METTL8: variants seen among roughly 807,000 people sequenced by gnomAD.
METTL8 encodes the protein tRNA N(3)-cytidine methyltransferase METTL8, mitochondrial.
In METTL8, 32 loss-of-function variants were observed where a neutral mutation model predicts 48.7. The ratio of observed to expected loss-of-function variants is 0.66; its 90% CI spans 0.50 to 0.88. The LOEUF is 0.88. Among genes scored for constraint, METTL8 ranks in the 40% least tolerant of loss-of-function variants. The pLI, the probability that METTL8 is intolerant of heterozygous loss-of-function variation, is 0.00. For synonymous variants in METTL8, 136 were observed against 157.1 expected, an observed-to-expected ratio of 0.87 and a Z score of 1.01; for missense variants, 464 against 474.4, an observed-to-expected ratio of 0.98 and a Z score of 0.20.
chr2:171,424,346 C>T (rs1031759961), intron 1 of METTL8, among the ~76,000 whole-genome samples: 1 of 152,184 alleles, frequency 6.6e-6, no homozygotes, highest in African/African-American at 2.4e-5. Flanking sequence ...GGGCCCCCAT[C>T]CTCCAGACTC....
chr2:171,410,822 T>G (rs868439234), intron 1 of METTL8, among the ~76,000 whole-genome samples: 1 of 152,230 alleles, frequency 6.6e-6, no homozygotes, highest in Non-Finnish European at 1.5e-5. Flanking sequence ...TGGTATGTTA[T>G]TTCCTTGAAC....
At chr2:171,395,584 TATAGAG>T (rs1294315190) in intron 1 of METTL8, among the ~76,000 whole-genome samples, 3 of 152,140 alleles carry the variant, frequency 2.0e-5, no homozygotes, top group African/African-American at 7.2e-5. Context: ...AAAAGACTAT[TATAGAG>T]ATAAAGAGGG....
chr2:171,390,179 T>G (rs1240625795), intron 2 of METTL8, among the ~76,000 whole-genome samples: 1 of 152,142 alleles, frequency 6.6e-6, no homozygotes, highest in Non-Finnish European at 1.5e-5. Context: ...TATAGCATGG[T>G]TTACTGAATG....
intron 1 of METTL8, among the ~76,000 whole-genome samples, chr2:171,418,069 G>A (rs990961630): frequency 1.3e-5 from 2 of 151,916 alleles, no homozygotes; most frequent in Admixed American, 6.5e-5. Flanking sequence ...TTAGCCTCCC[G>A]AGTAGCTGGG....
intron 3 of METTL8, among the ~76,000 whole-genome samples, chr2:171,348,680 TA>T (rs968392018): frequency 4.6e-5 from 7 of 152,204 alleles, no homozygotes; most frequent in African/African-American, 1.4e-4. Context: ...GCTTCTGGAT[TA>T]ATAGTAATAT....
chr2:171,318,227 C>A lies in METTL8; in HGVS notation c.*5945G>T, dbSNP rs538017599. The A allele has an allele frequency of 6.6e-6, 1 of 152,284 alleles. No homozygotes were observed. Among genetic ancestry groups the A allele is most frequent in the Admixed American group, 6.5e-5 (1 of 15,300 alleles). The allele number at this position is 152,284 out of a possible 1,614,324, so 9.4% of individuals were successfully genotyped here. On this transcript the variant is annotated 3_prime_UTR_variant, in exon 10 of 10. Transcript: ENST00000375258. ...CTACACCAAAGCCATCTTGCGGGTA[C>A]CTTTGCGCCTCTCAAATCCCCAACC...
At chr2:171,384,844 T>G in intron 2 of METTL8, among the ~76,000 whole-genome samples, 1 of 152,036 alleles carries the variant, frequency 6.6e-6, no homozygotes, top group South Asian at 2.1e-4. Context: ...AATTAATTAA[T>G]TAATAAAGTA....
At chr2:171,408,134 CA>C (rs1433504763) in intron 1 of METTL8, among the ~76,000 whole-genome samples, 1 of 152,048 alleles carries the variant, frequency 6.6e-6, no homozygotes, top group African/African-American at 2.4e-5. Context: ...GCTCTATGTA[CA>C]AGGAGCTTAT....
At chr2:171,397,167 C>T (rs1164044542) in intron 1 of METTL8, among the ~76,000 whole-genome samples, 2 of 150,468 alleles carry the variant, frequency 1.3e-5, no homozygotes, top group Non-Finnish European at 3.0e-5. Context: ...TAAATTAGAC[C>T]CAAAGTAAGT....
chr2:171,414,377 A>T (rs1326647255), intron 1 of METTL8, among the ~76,000 whole-genome samples: 1 of 151,502 alleles, frequency 6.6e-6, no homozygotes, highest in East Asian at 1.9e-4. Flanking sequence ...AGATCGCACC[A>T]CTGCACTCCA....
At chr2:171,401,371 C>T (rs1257470567) in intron 1 of METTL8, among the ~76,000 whole-genome samples, 7 of 152,110 alleles carry the variant, frequency 4.6e-5, no homozygotes, top group Admixed American at 3.9e-4. Context: ...TTGTTTTAAT[C>T]TTTCTTTGGA....
At chr2:171,334,214 C>G (rs895308419) in intron 5 of METTL8, among the ~76,000 whole-genome samples, 3 of 152,158 alleles carry the variant, frequency 2.0e-5, no homozygotes, top group Non-Finnish European at 4.4e-5. Flanking sequence ...TTACCACATA[C>G]CCATAAGATA....
chr2:171,385,864 G>A (rs1453853608), intron 2 of METTL8, among the ~76,000 whole-genome samples: 1 of 152,192 alleles, frequency 6.6e-6, no homozygotes, highest in Non-Finnish European at 1.5e-5. Context: ...CCATGTTAAA[G>A]CTTCACTTGA....
chr2:171,434,236 G>T (rs1693569993), upstream of METTL8: 2 of 456,104 alleles, frequency 4.4e-6, no homozygotes, highest in Non-Finnish European at 8.8e-6. Flanking sequence ...GAGAAGCCGG[G>T]CTGCCTCACG....
rs1684664909 is a variant in METTL8 at position 171,323,801 on chromosome 2, G to A, written c.*371C>T. 1 of 159,378 alleles carries A rather than the reference G, an allele frequency of 6.3e-6. No individual in the cohort carries two copies. The highest frequency in any genetic ancestry group is 2.4e-5 in the African/African-American group (1 of 41,664). 9.9% of individuals were successfully genotyped at this position (159,378 alleles called of 1,614,324 possible). A position where few individuals can be genotyped will look rare whatever the true frequency, so the allele number is the denominator to read the frequency against. ...AAGAGTCTGACTGTGTTTGGGAACT[G>A]GTTTACTAAGCCTAAACAAATAAAC... On this transcript the variant is annotated 3_prime_UTR_variant, in exon 10 of 10. Transcript: ENST00000375258.
intron 6 of METTL8, 145 bp from the exon 7 acceptor site, chr2:171,330,843 T>C: frequency 1.6e-6 from 1 of 641,944 alleles, no homozygotes; most frequent in Middle Eastern, 2.9e-4. Flanking sequence ...TCCAATTCAG[T>C]ATTGTTAGCT....
chr2:171,411,679 T>A (rs1282096242), intron 1 of METTL8, among the ~76,000 whole-genome samples: 1 of 152,158 alleles, frequency 6.6e-6, no homozygotes, highest in Non-Finnish European at 1.5e-5. Context: ...TCCAGATGAG[T>A]TAAACTTTTA....
At chr2:171,399,556 A>G (rs1689442407) in intron 1 of METTL8, among the ~76,000 whole-genome samples, 2 of 152,170 alleles carry the variant, frequency 1.3e-5, no homozygotes, top group Admixed American at 6.6e-5. Context: ...CAGAAGGCCA[A>G]CTTATGGGGA....
intron 5 of METTL8, among the ~76,000 whole-genome samples, chr2:171,334,906 T>C (rs1172493802): frequency 6.6e-6 from 1 of 152,176 alleles, no homozygotes; most frequent in Non-Finnish European, 1.5e-5. Context: ...CAGATTAGGA[T>C]AAAATATGCC....
Sources: gnomAD v4.1 joint callset for allele counts (sites outside exome capture counted in the v4.1 genomes callset) on GRCh38, gnomAD v4.1.1 for gene constraint, MANE v1.5 for transcripts, NCBI Gene and HGNC (gene_info 2026-07-23, HGNC 2026-07-21) for gene names.